Variants in PAK1 observed in about 807,000 individuals in gnomAD.
PAK1 encodes p21 (RAC1) activated kinase 1.
Under a neutral mutation model 67.4 loss-of-function variants are expected in PAK1, and 29 were observed. The observed-to-expected ratio is 0.43, with a 90% CI of 0.32 to 0.59. The LOEUF is 0.59. Among genes scored for constraint, PAK1 ranks in the 20% least tolerant of loss-of-function variants. The pLI, the probability that PAK1 is intolerant of heterozygous loss-of-function variation, is 0.07. For synonymous variants in PAK1, 223 were observed against 237.4 expected (o/e 0.94, Z 0.56); for missense variants, 337 against 670.7 (o/e 0.50, Z 5.50).
chr11:77,340,370 A>C (rs974448151), intron 11 of PAK1, among the ~76,000 whole-genome samples: 1 of 152,244 alleles, frequency 6.6e-6, no homozygotes, highest in African/African-American at 2.4e-5. Context: ...GCAAGTGGTT[A>C]TCTCTAAGAC....
intron 14 of PAK1, among the ~76,000 whole-genome samples, chr11:77,328,424 T>A (rs1460825113): frequency 6.6e-6 from 1 of 152,126 alleles, no homozygotes; most frequent in East Asian, 1.9e-4. Context: ...ACAGAAATTA[T>A]AACAAACTGT....
chr11:77,517,173 C>T, the PAK1 span, among the ~76,000 whole-genome samples: 1 of 152,134 alleles, frequency 6.6e-6, no homozygotes, highest in Non-Finnish European at 1.5e-5. Flanking sequence ...TTGGCTCTCT[C>T]CACACATAGG....
At chr11:77,402,147 T>C (rs1952782535) in intron 1 of PAK1, among the ~76,000 whole-genome samples, 1 of 152,194 alleles carries the variant, frequency 6.6e-6, no homozygotes, top group Admixed American at 6.5e-5. Context: ...ATTACTAGCT[T>C]CTGATTATTC....
chr11:77,350,069 A>G (rs946931507), intron 8 of PAK1, among the ~76,000 whole-genome samples: 1 of 152,154 alleles, frequency 6.6e-6, no homozygotes, highest in African/African-American at 2.4e-5. Flanking sequence ...AACTTGAAGA[A>G]CCACACTGAA....
intron 4 of PAK1, among the ~76,000 whole-genome samples, chr11:77,375,427 T>C (rs553386185): frequency 2.0e-5 from 3 of 152,164 alleles, no homozygotes; most frequent in Non-Finnish European, 4.4e-5. Context: ...AAGAGAGGTA[T>C]TGATCCTGTC....
intron 1 of PAK1, among the ~76,000 whole-genome samples, chr11:77,429,239 G>A (rs1331603895): frequency 6.6e-6 from 1 of 151,914 alleles, no homozygotes; most frequent in Non-Finnish European, 1.5e-5. Flanking sequence ...CTTCTGATTT[G>A]GCTCCTACTG....
In PAK1 at chr11:77,444,286, T is replaced by TAA. The variant is rs142183219; in HGVS notation, c.-22+29264_-22+29265dup. On this transcript the variant is annotated intron_variant, in intron 1 of 14. Coordinates refer to ENST00000356341, the MANE Select transcript of PAK1 (RefSeq NM_002576.5). Reference sequence around the variant, plus strand: ...CCAGGTACGTAAACCTGGAGAGCTCTAAAAAAAAAAAAAAAAAAACCCGAC... The same window carrying TAA: ...CCAGGTACGTAAACCTGGAGAGCTCTAAAAAAAAAAAAAAAAAAAAACCCGAC... Among the ~76,000 whole-genome samples, 972 of 116,752 alleles carry TAA rather than the reference T, an allele frequency of 8.3e-3. 11 individuals are homozygous for TAA. The highest frequency in any genetic ancestry group is 0.019 in the African/African-American group (596 of 31,194). 76.6% of individuals were successfully genotyped at this position (116,752 alleles called of 152,430 possible).
At chr11:77,452,321 T>C (rs1457786186) in intron 1 of PAK1, among the ~76,000 whole-genome samples, 1 of 152,202 alleles carries the variant, frequency 6.6e-6, no homozygotes, top group Non-Finnish European at 1.5e-5. Context: ...CCAGATCTCA[T>C]GCCCTCAAAT....
At chr11:77,326,558 G>C (rs557601730) in intron 14 of PAK1, among the ~76,000 whole-genome samples, 1 of 152,240 alleles carries the variant, frequency 6.6e-6, no homozygotes, top group South Asian at 2.1e-4. Flanking sequence ...GGTGGTGCAC[G>C]CCTATAGTCC....
chr11:77,497,014 A>T, the PAK1 span, among the ~76,000 whole-genome samples: 1 of 152,114 alleles, frequency 6.6e-6, no homozygotes, highest in East Asian at 1.9e-4. Flanking sequence ...AACTGAGGAG[A>T]CTCTTCACTA....
At chr11:77,490,689 G>A in the PAK1 span, among the ~76,000 whole-genome samples, 1 of 152,224 alleles carries the variant, frequency 6.6e-6, no homozygotes, top group Admixed American at 6.5e-5. Flanking sequence ...AATAGAAAGT[G>A]GGGAAAGGTG....
At chr11:77,524,508 G>C in the PAK1 span, among the ~76,000 whole-genome samples, 1 of 152,164 alleles carries the variant, frequency 6.6e-6, no homozygotes, top group Admixed American at 6.5e-5. Flanking sequence ...CATCTTACAT[G>C]CCATCTTCTT....
chr11:77,334,168 CAAAA>C (rs952305385), intron 13 of PAK1, among the ~76,000 whole-genome samples: 1 of 133,872 alleles, frequency 7.5e-6, no homozygotes, highest in Non-Finnish European at 1.6e-5. Context: ...GACTCCATCT[CAAAA>C]AAAAAAATAA....
At chr11:77,457,836 G>A (rs1957148257) in intron 1 of PAK1, among the ~76,000 whole-genome samples, 1 of 152,144 alleles carries the variant, frequency 6.6e-6, no homozygotes, top group Non-Finnish European at 1.5e-5. Context: ...TTTTCCTTTT[G>A]GTCTTAACAA....
At chr11:77,520,962 A>G in the PAK1 span, among the ~76,000 whole-genome samples, 1 of 152,304 alleles carries the variant, frequency 6.6e-6, no homozygotes, top group South Asian at 2.1e-4. Context: ...CCATGTTAAC[A>G]GGAAGGCCAA....
upstream of PAK1, among the ~76,000 whole-genome samples, chr11:77,477,734 G>A (rs1462685426): frequency 7.2e-5 from 11 of 151,954 alleles, no homozygotes; most frequent in East Asian, 1.2e-3. Flanking sequence ...CAGTCTGGGC[G>A]ACAGAGTGAG....
intron 1 of PAK1, among the ~76,000 whole-genome samples, chr11:77,432,204 C>G (rs1307927834): frequency 6.6e-6 from 1 of 152,150 alleles, no homozygotes; most frequent in East Asian, 1.9e-4. Context: ...ATAGAATTAT[C>G]TCTGTTGACA....
intron 12 of PAK1, among the ~76,000 whole-genome samples, chr11:77,337,010 A>C (rs1439357326): frequency 6.6e-6 from 1 of 151,214 alleles, no homozygotes; most frequent in Non-Finnish European, 1.5e-5. Context: ...CTTTTTTCTA[A>C]TTATCTATTA....
chr11:77,456,902 C>T (rs57111053), intron 1 of PAK1, among the ~76,000 whole-genome samples: 6,306 of 152,022 alleles, frequency 0.041, 433 homozygotes, highest in African/African-American at 0.14. Flanking sequence ...CCACCACGCC[C>T]GGCTAATTTT....
Sources: allele counts gnomAD v4.1 joint callset (sites outside exome capture counted in the v4.1 genomes callset), GRCh38; gene constraint gnomAD v4.1.1; transcripts MANE v1.5; gene names NCBI Gene and HGNC (gene_info 2026-07-23, HGNC 2026-07-21).